Variants in LRBA observed in about 807,000 individuals in gnomAD.
LRBA encodes the protein LPS responsive beige-like anchor protein, also known as lipopolysaccharide-responsive and beige-like anchor protein.
Under a neutral mutation model 330.0 loss-of-function variants are expected in LRBA, and 176 were observed. The observed-to-expected ratio is 0.53, with a 90% CI of 0.47 to 0.60. The LOEUF (loss-of-function observed/expected upper bound fraction) is 0.60, where lower values mean the gene tolerates loss of function less well. LRBA is among the 20% of genes least tolerant of loss of function. The pLI, the probability that LRBA is intolerant of heterozygous loss-of-function variation, is 0.00. For synonymous variants in LRBA, 1,230 were observed against 1,193.0 expected (o/e 1.03, Z -0.64); for missense variants, 3,259 against 3,444.8 (o/e 0.95, Z 1.35).
chr4:150,472,487 A>C (rs1476611636), intron 42 of LRBA, among the ~76,000 whole-genome samples: 1 of 152,168 alleles, frequency 6.6e-6, no homozygotes, highest in African/African-American at 2.4e-5. Context: ...CAATTTGTAC[A>C]ATTCAGTAAT....
intron 33 of LRBA, among the ~76,000 whole-genome samples, chr4:150,801,792 C>A (rs1741644783): frequency 6.6e-6 from 1 of 152,074 alleles, no homozygotes; most frequent in African/African-American, 2.4e-5. Context: ...TGGAGGGTCA[C>A]AAACCATTGT....
intron 33 of LRBA, among the ~76,000 whole-genome samples, chr4:150,805,133 G>A (rs984460476): frequency 5.4e-5 from 8 of 148,144 alleles, no homozygotes; most frequent in African/African-American, 7.5e-5. Context: ...TCTAATATTC[G>A]AAGGCACTCA....
chr4:150,522,208 G>A (rs1300491384), intron 40 of LRBA, among the ~76,000 whole-genome samples: 2 of 152,046 alleles, frequency 1.3e-5, no homozygotes, highest in African/African-American at 4.8e-5. Flanking sequence ...AAACCTGCCA[G>A]TGCCTCAATC....
At chr4:150,652,137 C>A (rs1779766171) in intron 37 of LRBA, among the ~76,000 whole-genome samples, 3 of 152,076 alleles carry the variant, frequency 2.0e-5, no homozygotes, top group Non-Finnish European at 4.4e-5. Context: ...CGCGGGGCAC[C>A]AATATCATTT....
chr4:150,599,054 A>G lies in LRBA; in HGVS notation c.5999T>C (p.Leu2000Pro). The G allele has an allele frequency of 6.2e-7, 1 of 1,613,976 alleles. No homozygotes were observed. The highest frequency in any genetic ancestry group is 1.6e-4 in the Middle Eastern group (1 of 6,062). ...RRRRRFVRNP[L>P]GSTHPEATLK... ...TGTCGCTTCAGGATGTGTCGATCCT[A>G]GAGGGTTACGCACAAATCGTCGCCG... is the stretch of plus-strand genomic sequence containing the variant. Residue 2000 changes from leucine to proline, a missense_variant, in exon 38 of 57, where the codon CTA becomes CCA. Leu to Pro is a moderately conservative substitution (Grantham distance 98). Transcript: ENST00000651943.
intron 44 of LRBA, among the ~76,000 whole-genome samples, chr4:150,462,360 T>C (rs1344304343): frequency 6.6e-6 from 1 of 151,790 alleles, no homozygotes; most frequent in Non-Finnish European, 1.5e-5. Context: ...AAAGATTTAA[T>C]TTTCACCAGT....
intron 16 of LRBA, among the ~76,000 whole-genome samples, chr4:150,895,289 T>C (rs1729940939): frequency 1.3e-5 from 2 of 152,206 alleles, no homozygotes; most frequent in African/African-American, 4.8e-5. Flanking sequence ...CTTTTTATTT[T>C]TTTTTAATTA....
chr4:150,662,697 G>C (rs1017397138), intron 37 of LRBA, among the ~76,000 whole-genome samples: 1 of 152,236 alleles, frequency 6.6e-6, no homozygotes, highest in Non-Finnish European at 1.5e-5. Flanking sequence ...TGTGAGGCCA[G>C]TACCTCAGGC....
At chr4:150,983,771 T>TAAAA (rs983124121) in intron 2 of LRBA, among the ~76,000 whole-genome samples, 2 of 136,956 alleles carry the variant, frequency 1.5e-5, no homozygotes, top group African/African-American at 2.7e-5. Flanking sequence ...TACTCCGTCT[T>TAAAA]AAAAAAAAAA....
chr4:150,874,038 C>G (rs1753734169), intron 17 of LRBA, among the ~76,000 whole-genome samples: 1 of 151,950 alleles, frequency 6.6e-6, no homozygotes. Context: ...TAAATTCAGC[C>G]AAATAAAAAT....
At chr4:150,699,228 C>T (rs866392756) in intron 36 of LRBA, among the ~76,000 whole-genome samples, 2 of 152,034 alleles carry the variant, frequency 1.3e-5, no homozygotes, top group East Asian at 3.9e-4. Context: ...CAAAGGGAGA[C>T]GACCTGGGGA....
In LRBA at chr4:150,583,037, C is replaced by T. The variant is rs1219560447; in HGVS notation, c.6330+5011G>A. Reference sequence around the variant, plus strand: ...CCGGACCTGTGCCCCAACATGATCGCCGCTCAGGCCAAGCTGGTTTACCAG... The same window carrying T: ...CCGGACCTGTGCCCCAACATGATCGTCGCTCAGGCCAAGCTGGTTTACCAG... On this transcript the variant is annotated intron_variant, in intron 40 of 56. Transcript: ENST00000651943. The surrounding 1 kb of genome is among the most constrained non-coding windows in gnomAD (Gnocchi z 9.8). 3 of 1,592,020 alleles carry T rather than the reference C, an allele frequency of 1.9e-6. 1 individual carries two copies. Among genetic ancestry groups the T allele is most frequent in the South Asian group, 2.3e-5 (2 of 88,194 alleles).
At chr4:150,342,089 C>CTTACTCA (rs1735658126) in intron 48 of LRBA, among the ~76,000 whole-genome samples, 1 of 151,850 alleles carries the variant, frequency 6.6e-6, no homozygotes, top group Admixed American at 6.6e-5. Flanking sequence ...AATAGTTATT[C>CTTACTCA]TTACTCATAT....
intron 3 of LRBA, 41 bp downstream of exon 3, chr4:150,928,793 T>G (rs1186251267): frequency 3.3e-6 from 5 of 1,499,146 alleles, no homozygotes; most frequent in Middle Eastern, 3.5e-4. Context: ...AAAATCAAAC[T>G]TTATTTCTTT....
At chr4:150,780,543 C>T (rs1196860164) in intron 34 of LRBA, among the ~76,000 whole-genome samples, 1 of 150,482 alleles carries the variant, frequency 6.6e-6, no homozygotes, top group East Asian at 2.0e-4. Flanking sequence ...CAATCCAGAA[C>T]GACTCAGTAA....
intron 46 of LRBA, chr4:150,423,654 G>A: frequency 3.7e-6 from 1 of 271,782 alleles, no homozygotes; most frequent in South Asian, 4.1e-5. Context: ...CCAGCTCCGG[G>A]TGGGCAGCCC....
intron 40 of LRBA, 107 bp downstream of exon 40, chr4:150,587,941 C>T: frequency 1.6e-6 from 2 of 1,266,800 alleles, no homozygotes; most frequent in African/African-American, 1.5e-5. Flanking sequence ...GCCAAGGCAA[C>T]TTAGAAGAAA....
At chr4:150,871,510 T>C (rs1465386556) in intron 18 of LRBA, 57 bp from the exon 19 acceptor site, 1 of 971,972 alleles carries the variant, frequency 1.0e-6, no homozygotes, top group East Asian at 2.4e-5. Flanking sequence ...CTCTACTTAA[T>C]ATGCATGCTG....
chr4:150,438,881 T>C (rs1023682513), intron 44 of LRBA, among the ~76,000 whole-genome samples: 1 of 152,184 alleles, frequency 6.6e-6, no homozygotes, highest in African/African-American at 2.4e-5. Flanking sequence ...TTTTTTCCTT[T>C]ACAAGCAAAA....
Sources: allele counts gnomAD v4.1 joint callset (sites outside exome capture counted in the v4.1 genomes callset), GRCh38; gene constraint gnomAD v4.1.1; non-coding constraint Gnocchi (gnomAD v3.1); transcripts MANE v1.5; gene names NCBI Gene and HGNC (gene_info 2026-07-23, HGNC 2026-07-21).